Variants in CCDC92 observed in about 807,000 individuals in gnomAD.
CCDC92 encodes coiled-coil domain-containing protein 92.
Under a neutral mutation model 24.9 loss-of-function variants are expected in CCDC92, and 12 were observed. The observed-to-expected ratio is 0.48, with a 90% CI of 0.31 to 0.78. CCDC92 has a LOEUF of 0.78. CCDC92 is among the 30% of genes least tolerant of loss of function. CCDC92 has a pLI of 0.05. For synonymous variants in CCDC92, 193 were observed against 196.3 expected (o/e 0.98, Z 0.14); for missense variants, 399 against 439.4 (o/e 0.91, Z 0.82).
intron 1 of CCDC92, among the ~76,000 whole-genome samples, chr12:123,965,493 G>A (rs895300188): frequency 2.0e-5 from 3 of 152,044 alleles, no homozygotes; most frequent in Non-Finnish European, 2.9e-5. Context: ...AGGGCTGCAC[G>A]CTCTTGGAGG....
chr12:123,972,229 C>CGCGGGG (rs1012681584), intron 1 of CCDC92: 2 of 152,176 alleles, frequency 1.3e-5, no homozygotes, highest in African/African-American at 4.8e-5. Flanking sequence ...CGGCAGACCC[C>CGCGGGG]GCGGGGGCGG....
At chr12:123,961,217 C>T (rs1260180712) in intron 1 of CCDC92, 2 of 152,268 alleles carry the variant, frequency 1.3e-5, no homozygotes, top group African/African-American at 4.8e-5. Context: ...CTGCATCAGG[C>T]TGCATAAATC....
rs762042535 is a variant in CCDC92, at chr12:123,937,159, T to C, written c.895A>G (p.Thr299Ala). The change falls in exon 5 of 5, where the codon ACC (threonine) becomes GCC (alanine). Residue 299 changes from threonine (T) to alanine (A), a missense_variant. By Grantham distance (58) the Thr-to-Ala change is moderately conservative (BLOSUM62 0). Coordinates refer to ENST00000238156, the MANE Select transcript of CCDC92 (RefSeq NM_025140.3). The surrounding 1 kb of genome is among the most constrained non-coding windows in gnomAD (Gnocchi z 8.4). ...VGVAHRIHHA[T>A]PPQAQPEVKT... is the part of the protein sequence containing the mutation. ...ACCTCGGGCTGGGCCTGCGGCGGGGTGGCGTGGTGGATCCGATGTGCCACC... is the reference window on the plus strand; with the variant it reads ...ACCTCGGGCTGGGCCTGCGGCGGGGCGGCGTGGTGGATCCGATGTGCCACC... 4 of 1,605,572 alleles carry C rather than the reference T, an allele frequency of 2.5e-6. No homozygotes were observed. The highest frequency in any genetic ancestry group is 3.4e-6 in the Non-Finnish European group (4 of 1,178,164).
Position 123,955,707 on chromosome 12 carries a change from C to T in CCDC92, c.-59-11343G>A, listed in dbSNP as rs1956134842. On this transcript the variant is annotated intron_variant, in intron 1 of 4. Transcript: ENST00000238156. ...CTATGTTGCCCAGGCTTGACTCAAACTCCTGGCCTCAAGTGATCCTCCTGC... is the reference window on the plus strand; with the variant it reads ...CTATGTTGCCCAGGCTTGACTCAAATTCCTGGCCTCAAGTGATCCTCCTGC... Among the ~76,000 whole-genome samples the T allele has an allele frequency of 2.6e-5, 4 of 152,094 alleles. No individual in the cohort carries two copies. The South Asian group carries it at 8.3e-4, about 32-fold the overall frequency.
chr12:123,943,559 GC>G, intron 2 of CCDC92, 66 bp from the exon 3 acceptor site: 1 of 1,581,868 alleles, frequency 6.3e-7, no homozygotes, highest in Non-Finnish European at 8.7e-7. Context: ...GCCCTCCTTG[GC>G]TCTGGGTGCA....
At chr12:123,970,565 A>C (rs556511247) in intron 1 of CCDC92, among the ~76,000 whole-genome samples, 74 of 152,364 alleles carry the variant, frequency 4.9e-4, no homozygotes, top group African/African-American at 1.6e-3. Flanking sequence ...GGTGTCATTA[A>C]GTTAGCACCT....
Position 123,937,562 on chromosome 12 carries a change from G to T in CCDC92, c.492C>A (p.Ala164=). The T allele has an allele frequency of 1.2e-6, 2 of 1,612,830 alleles. No homozygotes were observed. Among genetic ancestry groups the T allele is most frequent in the Non-Finnish European group, 8.5e-7 (1 of 1,180,020 alleles). Residue 164 remains alanine (A), a synonymous_variant, in exon 5 of 5, where the codon GCC becomes GCA. Coordinates refer to ENST00000238156, the MANE Select transcript of CCDC92 (RefSeq NM_025140.3). This position sits in a 1 kb window ranked among gnomAD's most constrained non-coding sequence, Gnocchi z 8.4. The part of the protein sequence containing the change: ...TIAYLTSQLH[A]AKKKLMSSSG... ...TGGAGCTCATGAGCTTCTTCTTGGCGGCGTGCAGCTGGGAGGTCAGGTAGG... is the reference window on the plus strand; with the variant it reads ...TGGAGCTCATGAGCTTCTTCTTGGCTGCGTGCAGCTGGGAGGTCAGGTAGG...
Position 123,937,913 on chromosome 12 carries a change from T to A in CCDC92, c.224-83A>T. The A allele has an allele frequency of 1.4e-6, 2 of 1,405,564 alleles. No individual in the cohort carries two copies. The highest frequency in any genetic ancestry group is 1.9e-6 in the Non-Finnish European group (2 of 1,038,662). The allele number at this position is 1,405,564 out of a possible 1,614,324, so 87.1% of individuals were successfully genotyped here. A position where few individuals can be genotyped will look rare whatever the true frequency, so the allele number is the denominator to read the frequency against. On this transcript the variant is annotated intron_variant, in intron 4 of 4. Transcript: ENST00000238156. This position sits in a 1 kb window ranked among gnomAD's most constrained non-coding sequence, Gnocchi z 8.4. The stretch of plus-strand genomic sequence containing the variant: ...GAGGCCTATGGGGCAGGCGGACCTG[T>A]CTGGTGGGGGCCCTGTCTAGGCTGT...
intron 1 of CCDC92, among the ~76,000 whole-genome samples, chr12:123,951,745 T>C (rs1006883276): frequency 6.6e-6 from 1 of 152,244 alleles, no homozygotes; most frequent in African/African-American, 2.4e-5. Context: ...TCTGGTGTAC[T>C]ATAGCTTAAG....
chr12:123,937,769 C>G lies in CCDC92; in HGVS notation c.285G>C (p.Leu95=), dbSNP rs749238387. The change falls in exon 5 of 5, where the codon CTG becomes CTC. Residue 95 remains leucine (L), a synonymous_variant. Transcript: ENST00000238156. The surrounding 1 kb of genome is among the most constrained non-coding windows in gnomAD (Gnocchi z 8.4). ...CAGCATTTTCGTTCTCTTTCACTTT[C>G]AGTTGGGCTTCCAGCTCTTCACATC... ...KKRCEELEAQ[L]KVKENENAEL... is the part of the protein sequence containing the mutation. 1.9e-6 allele frequency: 3 copies of G among 1,613,896 alleles called. No individual in the cohort carries two copies. In the Admixed American group the frequency reaches 5.0e-5, roughly 27 times the overall value.
intron 1 of CCDC92, chr12:123,966,652 T>C (rs773321210): frequency 6.6e-6 from 1 of 152,244 alleles, no homozygotes; most frequent in Non-Finnish European, 1.5e-5. Flanking sequence ...TCACACCTTC[T>C]AACTAAACTC....
intron 4 of CCDC92, among the ~76,000 whole-genome samples, chr12:123,941,763 C>T (rs1955692517): frequency 6.6e-6 from 1 of 152,210 alleles, no homozygotes; most frequent in South Asian, 2.1e-4. Context: ...TCATGACTAG[C>T]TTCCTCTTTT....
At chr12:123,945,990 A>G in intron 1 of CCDC92, 2 of 176,546 alleles carry the variant, frequency 1.1e-5, no homozygotes, top group Admixed American at 6.4e-5. Flanking sequence ...ATCCCCCGCC[A>G]TCCATTTCCA....
At chr12:123,967,730 T>C (rs139578242) in intron 1 of CCDC92, among the ~76,000 whole-genome samples, 29 of 152,358 alleles carry the variant, frequency 1.9e-4, no homozygotes, top group Admixed American at 1.5e-3. Flanking sequence ...ATGCCACGGA[T>C]TTCTAGGTAA....
At chr12:123,970,141 T>G (rs186301333) in intron 1 of CCDC92, 1 of 152,240 alleles carries the variant, frequency 6.6e-6, no homozygotes, top group East Asian at 1.9e-4. Flanking sequence ...CGTCCACAAC[T>G]CTAGAAGCCA....
intron 1 of CCDC92, among the ~76,000 whole-genome samples, chr12:123,950,691 A>C (rs1956003784): frequency 6.6e-6 from 1 of 152,170 alleles, no homozygotes; most frequent in African/African-American, 2.4e-5. Context: ...GGGCCAAGTT[A>C]GCAATAGGCT....
At chr12:123,953,768 A>G (rs1956083906) in intron 1 of CCDC92, among the ~76,000 whole-genome samples, 2 of 146,894 alleles carry the variant, frequency 1.4e-5, no homozygotes, top group South Asian at 4.3e-4. Flanking sequence ...ACAGAGCAAG[A>G]CTCCGTCTCA....
At chr12:123,969,688 T>C (rs1882491) in intron 1 of CCDC92, among the ~76,000 whole-genome samples, 45,639 of 151,672 alleles carry the variant, frequency 0.3, 7,006 homozygotes, top group Middle Eastern at 0.34. Flanking sequence ...GGTCTTGATC[T>C]CTTGACCTCG....
intron 2 of CCDC92, chr12:123,943,826 C>T (rs112542253): frequency 4.7e-5 from 21 of 450,242 alleles, no homozygotes; most frequent in Non-Finnish European, 8.0e-5. Context: ...GAGGCAGATT[C>T]GCGAGCCTGG....
Sources: gnomAD v4.1 joint callset for allele counts (sites outside exome capture counted in the v4.1 genomes callset) on GRCh38, gnomAD v4.1.1 for gene constraint, Gnocchi (gnomAD v3.1) non-coding constraint, MANE v1.5 for transcripts, NCBI Gene and HGNC (gene_info 2026-07-23, HGNC 2026-07-21) for gene names.